The following GRIP1 variants were observed in gnomAD, a reference collection of about 807,000 sequenced individuals.
The protein encoded by GRIP1 is glutamate receptor-interacting protein 1.
A neutral mutation model predicts 129.9 loss-of-function variants in GRIP1; 45 were observed. The ratio of observed to expected loss-of-function variants is 0.35; its 90% CI spans 0.27 to 0.44. The LOEUF is 0.44. GRIP1 is among the 20% of genes least tolerant of loss of function. The pLI is 1.00. For missense variants in GRIP1, 1,196 were observed against 1,396.8 expected (o/e 0.86, Z 2.29); for synonymous variants, 530 against 520.8 (o/e 1.02, Z -0.24).
intron 1 of GRIP1, 131 bp from the exon 2 acceptor site, chr12:66,597,058 G>A: frequency 1.3e-6 from 1 of 742,346 alleles, no homozygotes; most frequent in East Asian, 2.5e-5. Flanking sequence ...GTAGGCCTGG[G>A]TCCTATACTT....
intron 1 of GRIP1, among the ~76,000 whole-genome samples, chr12:66,997,035 G>A (rs1352242373): frequency 6.6e-6 from 1 of 152,128 alleles, no homozygotes; most frequent in Non-Finnish European, 1.5e-5. Context: ...AAGACTAATA[G>A]AGAAAAGGGT....
intron 16 of GRIP1, among the ~76,000 whole-genome samples, chr12:66,397,110 CA>C (rs71436004): frequency 0.037 from 2,244 of 59,950 alleles, 17 homozygotes; most frequent in African/African-American, 0.14. Context: ...GACTCTGTCT[CA>C]AAAAAAAAAA....
At chr12:66,659,959 G>T (rs1168998438) in intron 1 of GRIP1, among the ~76,000 whole-genome samples, 4 of 151,958 alleles carry the variant, frequency 2.6e-5, no homozygotes, top group Non-Finnish European at 5.9e-5. Context: ...ATAAACAAAG[G>T]GTTGTTTTTC....
In GRIP1 at chr12:66,612,328, G is replaced by A. The variant is rs545082093; in HGVS notation, c.56-15401C>T. The stretch of plus-strand genomic sequence containing the variant: ...AACCTATACAGCATGTGACTGTGCA[G>A]AATACTGTAGGCAACTGTAACACAA... On this transcript the variant is annotated intron_variant, in intron 1 of 24. Transcript: ENST00000359742. 4.6e-5 allele frequency among the ~76,000 whole-genome samples: 7 copies of A among 152,232 alleles called. No homozygotes were observed. The East Asian group carries it at 1.2e-3, about 25-fold the overall frequency.
intron 14 of GRIP1, among the ~76,000 whole-genome samples, chr12:66,423,976 G>A: frequency 6.6e-6 from 1 of 152,140 alleles, no homozygotes; most frequent in African/African-American, 2.4e-5. Context: ...TAAATCCTGT[G>A]TTATATGATA....
intron 1 of GRIP1, among the ~76,000 whole-genome samples, chr12:67,060,173 A>G (rs1454256163): frequency 2.6e-5 from 4 of 152,228 alleles, no homozygotes; most frequent in African/African-American, 9.6e-5. Flanking sequence ...TTTATAATAG[A>G]CCAATAAGAA....
upstream of GRIP1, among the ~76,000 whole-genome samples, chr12:66,807,780 T>C (rs2039023813): frequency 6.6e-6 from 1 of 152,018 alleles, no homozygotes; most frequent in Non-Finnish European, 1.5e-5. Flanking sequence ...CAGAAATAGA[T>C]GCCGCTATGC....
intron 1 of GRIP1, among the ~76,000 whole-genome samples, chr12:66,938,741 C>T (rs7135795): frequency 6.6e-6 from 1 of 151,744 alleles, no homozygotes; most frequent in Non-Finnish European, 1.5e-5. Context: ...GGCAGATCAC[C>T]AGGTCAGGAG....
chr12:66,383,008 C>CAGT (rs2056186567), intron 19 of GRIP1, among the ~76,000 whole-genome samples: 1 of 152,026 alleles, frequency 6.6e-6, no homozygotes, highest in South Asian at 2.1e-4. Context: ...TTGGGTAAGA[C>CAGT]AGTACATGGT....
intron 1 of GRIP1, among the ~76,000 whole-genome samples, chr12:66,927,680 A>C (rs948234992): frequency 1.2e-4 from 18 of 152,192 alleles, no homozygotes; most frequent in African/African-American, 4.1e-4. Context: ...AACATGTAAG[A>C]GGGGTTACCC....
chr12:67,010,221 A>G (rs181190566), intron 1 of GRIP1, among the ~76,000 whole-genome samples: 19 of 152,288 alleles, frequency 1.2e-4, no homozygotes, highest in African/African-American at 4.6e-4. Flanking sequence ...AAAAATTTAA[A>G]TGAATGAGCC....
chr12:66,694,953 A>G (rs927476775), intron 1 of GRIP1, among the ~76,000 whole-genome samples: 3 of 152,208 alleles, frequency 2.0e-5, no homozygotes, highest in Admixed American at 1.3e-4. Context: ...GAGGTCCAAC[A>G]TCTCTCTGAA....
intron 1 of GRIP1, among the ~76,000 whole-genome samples, chr12:66,624,308 T>G (rs1280581104): frequency 6.6e-6 from 1 of 152,178 alleles, no homozygotes; most frequent in African/African-American, 2.4e-5. Flanking sequence ...AAACAAAATG[T>G]CTTATTTTGG....
chr12:66,596,745 A>T (rs2064066294), intron 2 of GRIP1, 102 bp downstream of exon 2: 6 of 585,784 alleles, frequency 1.0e-5, no homozygotes, highest in Admixed American at 7.2e-5. Context: ...AACATGATTT[A>T]TTATTATTAT....
intron 1 of GRIP1, among the ~76,000 whole-genome samples, chr12:66,792,893 T>C (rs1007326031): frequency 6.6e-6 from 1 of 152,120 alleles, no homozygotes; most frequent in Non-Finnish European, 1.5e-5. Context: ...ATAATCCAAA[T>C]AATATTCACT....
intron 1 of GRIP1, among the ~76,000 whole-genome samples, chr12:67,061,608 A>C (rs1267941166): frequency 1.3e-5 from 2 of 152,228 alleles, no homozygotes; most frequent in East Asian, 3.9e-4. Context: ...AAATAAATAC[A>C]GTACAACCAT....
chr12:66,817,653 T>G (rs2136973910), intron 1 of GRIP1, among the ~76,000 whole-genome samples: 1 of 152,260 alleles, frequency 6.6e-6, no homozygotes, highest in East Asian at 1.9e-4. Flanking sequence ...CCTCGGGTGA[T>G]CCACCCACCT....
chr12:66,737,777 G>T (rs1004748214), intron 1 of GRIP1, among the ~76,000 whole-genome samples: 5 of 151,948 alleles, frequency 3.3e-5, no homozygotes, highest in Non-Finnish European at 7.4e-5. Context: ...TTGCCCACCA[G>T]GTGCCAGGTG....
At chr12:66,596,566 G>C (rs1178439344) in intron 2 of GRIP1, among the ~76,000 whole-genome samples, 1 of 152,184 alleles carries the variant, frequency 6.6e-6, no homozygotes, top group Non-Finnish European at 1.5e-5. Context: ...AATGAGATGA[G>C]AGTAAGTAAA....
Sources: gnomAD v4.1 joint callset for allele counts (sites outside exome capture counted in the v4.1 genomes callset) on GRCh38, gnomAD v4.1.1 for gene constraint, MANE v1.5 for transcripts, NCBI Gene and HGNC (gene_info 2026-07-23, HGNC 2026-07-21) for gene names.